The following SLIT2 variants were observed in gnomAD, a reference collection of about 807,000 sequenced individuals.
The protein encoded by SLIT2 is slit guidance ligand 2, also known as slit homolog 2 protein.
A neutral mutation model predicts 185.7 loss-of-function variants in SLIT2; 41 were observed. The ratio of observed to expected loss-of-function variants is 0.22; its 90% CI spans 0.17 to 0.29. The LOEUF (loss-of-function observed/expected upper bound fraction) is 0.29, where lower values mean the gene tolerates loss of function less well. SLIT2 is among the 10% of genes least tolerant of loss of function. The pLI, the probability that SLIT2 is intolerant of heterozygous loss-of-function variation, is 1.00. For missense variants in SLIT2, 1,571 were observed against 1,909.0 expected, an observed-to-expected ratio of 0.82 and a Z score of 3.30; for synonymous variants, 693 against 680.2, an observed-to-expected ratio of 1.02 and a Z score of -0.29.
At position 20,354,906 on chromosome 4, in the gene SLIT2, TGAGAGAGAGA is replaced by T. The variant is rs35761202; in HGVS notation, c.395+86056_395+86065del. On this transcript the variant is annotated intron_variant, in intron 4 of 36. Transcript: ENST00000504154. ...GTCTGCGTGTGTGTGTGTGTGTGTG[TGAGAGAGAGA>T]GAGAGAGAGAGAGAGAGAGAGAGAG... Among the ~76,000 whole-genome samples, 83 of 77,088 alleles carry T rather than the reference TGAGAGAGAGA, an allele frequency of 1.1e-3. No homozygotes were observed. The East Asian group carries it at 0.026, about 24-fold the overall frequency. 50.6% of individuals were successfully genotyped at this position (77,088 alleles called of 152,430 possible).
At chr4:20,594,544 C>T (rs1156580593) in intron 30 of SLIT2, among the ~76,000 whole-genome samples, 1 of 151,928 alleles carries the variant, frequency 6.6e-6, no homozygotes, top group African/African-American at 2.4e-5. Context: ...CAGAAGACCC[C>T]TCCTCATAGA....
chr4:20,518,488 G>A (rs1181094607), intron 11 of SLIT2, among the ~76,000 whole-genome samples: 4 of 124,730 alleles, frequency 3.2e-5, no homozygotes, highest in African/African-American at 8.9e-5. Context: ...TCCTGACCTC[G>A]TGATCCGCCG....
intron 4 of SLIT2, among the ~76,000 whole-genome samples, chr4:20,427,519 A>C (rs1032346148): frequency 6.6e-6 from 1 of 152,260 alleles, no homozygotes; most frequent in Non-Finnish European, 1.5e-5. Context: ...TATCTATATG[A>C]TGTGCTTATG....
chr4:20,259,686 T>G (rs1712233654), intron 3 of SLIT2, among the ~76,000 whole-genome samples: 1 of 151,868 alleles, frequency 6.6e-6, no homozygotes, highest in Non-Finnish European at 1.5e-5. Context: ...AAGTAGGTAC[T>G]ATTTTTTGAC....
chr4:20,322,867 C>G (rs1356432234), intron 4 of SLIT2, among the ~76,000 whole-genome samples: 1 of 152,084 alleles, frequency 6.6e-6, no homozygotes, highest in Non-Finnish European at 1.5e-5. Context: ...TACTCCATGT[C>G]AATACAACTT....
chr4:20,552,064 C>A (rs1319078601), intron 25 of SLIT2, among the ~76,000 whole-genome samples: 1 of 152,108 alleles, frequency 6.6e-6, no homozygotes, highest in African/African-American at 2.4e-5. Context: ...CGTGTTTGAG[C>A]CAAGAACCTA....
chr4:20,398,841 T>C (rs1310823275), intron 4 of SLIT2, among the ~76,000 whole-genome samples: 1 of 151,832 alleles, frequency 6.6e-6, no homozygotes, highest in African/African-American at 2.4e-5. Context: ...ATTTTAACTC[T>C]GTATTTAGCT....
chr4:20,358,791 A>G (rs958599756), intron 4 of SLIT2, among the ~76,000 whole-genome samples: 12 of 152,156 alleles, frequency 7.9e-5, no homozygotes, highest in African/African-American at 2.2e-4. Context: ...TATTTCTGAT[A>G]GCATATACAG....
chr4:20,403,907 A>C (rs1726553703), intron 4 of SLIT2, among the ~76,000 whole-genome samples: 1 of 150,902 alleles, frequency 6.6e-6, no homozygotes, highest in East Asian at 1.9e-4. Flanking sequence ...TAAAAAAAAA[A>C]CAAAAACAAA....
At chr4:20,336,142 A>G (rs1473263312) in intron 4 of SLIT2, among the ~76,000 whole-genome samples, 1 of 152,166 alleles carries the variant, frequency 6.6e-6, no homozygotes, top group East Asian at 1.9e-4. Flanking sequence ...CCTTCATCAA[A>G]GTAACACAGT....
Position 20,620,047 on chromosome 4 carries a change from A to G in SLIT2, c.*1038A>G, listed in dbSNP as rs1729967187. The G allele has an allele frequency of 5.3e-6, 1 of 188,076 alleles. No homozygotes were observed. Among genetic ancestry groups the G allele is most frequent in the African/African-American group, 2.4e-5 (1 of 42,170 alleles). 11.7% of individuals were successfully genotyped at this position (188,076 alleles called of 1,614,324 possible). On this transcript the variant is annotated 3_prime_UTR_variant, in exon 37 of 37. Transcript: ENST00000504154. Reference sequence around the variant, plus strand: ...CTGGCCTCATTCAGGACACCTGCAGAGAGTATGCAAAGTCCGAGAGAGGAA... The same window carrying G: ...CTGGCCTCATTCAGGACACCTGCAGGGAGTATGCAAAGTCCGAGAGAGGAA...
chr4:20,440,682 C>G (rs1483837778), intron 4 of SLIT2, among the ~76,000 whole-genome samples: 1 of 152,152 alleles, frequency 6.6e-6, no homozygotes, highest in African/African-American at 2.4e-5. Flanking sequence ...TTTCTCAGAT[C>G]AGTGTGGAAT....
intron 4 of SLIT2, among the ~76,000 whole-genome samples, chr4:20,330,401 G>A (rs1483891972): frequency 6.6e-6 from 1 of 151,936 alleles, no homozygotes; most frequent in Non-Finnish European, 1.5e-5. Context: ...GATGTGGTCG[G>A]TGTTAGACTA....
intron 5 of SLIT2, among the ~76,000 whole-genome samples, chr4:20,471,864 A>G (rs1355188205): frequency 6.6e-6 from 1 of 152,144 alleles, no homozygotes; most frequent in Non-Finnish European, 1.5e-5. Flanking sequence ...AAACATCTCC[A>G]GGGAGGACTT....
intron 4 of SLIT2, among the ~76,000 whole-genome samples, chr4:20,356,036 GAACAAGATAA>G (rs1192553138): frequency 4.6e-5 from 7 of 152,152 alleles, no homozygotes; most frequent in Non-Finnish European, 1.0e-4. Context: ...GTTAAATAGG[GAACAAGATAA>G]ATGATTATGA....
intron 4 of SLIT2, among the ~76,000 whole-genome samples, chr4:20,342,704 A>T (rs1721054049): frequency 7.4e-6 from 1 of 135,922 alleles, no homozygotes; most frequent in Non-Finnish European, 1.6e-5. Context: ...TCTGCCATTC[A>T]TCGACTATCG....
intron 4 of SLIT2, among the ~76,000 whole-genome samples, chr4:20,438,419 G>A (rs764301442): frequency 1.3e-5 from 2 of 152,088 alleles, no homozygotes; most frequent in African/African-American, 2.4e-5. Flanking sequence ...TTTGTGTGGC[G>A]AAATTCCCAT....
At chr4:20,466,601 C>A (rs17539012) in intron 4 of SLIT2, among the ~76,000 whole-genome samples, 3,746 of 152,194 alleles carry the variant, frequency 0.025, 48 homozygotes, top group African/African-American at 0.034. Context: ...ACTAAATCTC[C>A]GTATCTGCCG....
At chr4:20,274,454 C>G (rs1422032936) in intron 4 of SLIT2, among the ~76,000 whole-genome samples, 1 of 152,092 alleles carries the variant, frequency 6.6e-6, no homozygotes, top group Admixed American at 6.6e-5. Context: ...AAGTGCAAAG[C>G]CCTGAGCAGG....
Sources: gnomAD v4.1 joint callset for allele counts (sites outside exome capture counted in the v4.1 genomes callset) on GRCh38, gnomAD v4.1.1 for gene constraint, MANE v1.5 for transcripts, NCBI Gene and HGNC (gene_info 2026-07-23, HGNC 2026-07-21) for gene names.